TFAP2D: variants seen among roughly 807,000 people sequenced by gnomAD.
TFAP2D encodes transcription factor AP-2-delta.
TFAP2D carries 9 observed loss-of-function variants against 43.6 expected under a neutral mutation model. The ratio of observed to expected loss-of-function variants is 0.21; its 90% CI spans 0.12 to 0.36. The LOEUF is 0.36. Ranked by LOEUF, TFAP2D falls within the 10% of genes least tolerant of loss-of-function variation. The pLI is 1.00. For synonymous variants in TFAP2D, 256 were observed against 224.9 expected, an observed-to-expected ratio of 1.14 and a Z score of -1.24; for missense variants, 513 against 561.4, an observed-to-expected ratio of 0.91 and a Z score of 0.87.
rs76135399 is a variant in TFAP2D at position 50,749,276 on chromosome 6, G to A, written c.1026-1935G>A. Among the ~76,000 whole-genome samples, 1,005 of 151,600 alleles carry A rather than the reference G, an allele frequency of 6.6e-3. 9 individuals are homozygous for A. Among genetic ancestry groups the A allele is most frequent in the African/African-American group, 0.022 (902 of 41,426 alleles). On this transcript the variant is annotated intron_variant, in intron 6 of 7. Coordinates refer to ENST00000008391, the MANE Select transcript of TFAP2D (RefSeq NM_172238.4). The stretch of plus-strand genomic sequence containing the variant: ...CTCTTTAGCTTTCTCTAATTTCTTC[G>A]TCAATTTTATTATAACTTGCTGTAT...
intron 5 of TFAP2D, among the ~76,000 whole-genome samples, chr6:50,741,722 A>AATTAAAAAAAAAT: frequency 6.6e-6 from 1 of 152,028 alleles, no homozygotes; most frequent in South Asian, 2.1e-4. Flanking sequence ...TGCATGGCCA[A>AATTAAAAAAAAAT]GTGCTGCAAT....
At chr6:50,766,637 T>C (rs778779253) in intron 7 of TFAP2D, among the ~76,000 whole-genome samples, 11 of 146,360 alleles carry the variant, frequency 7.5e-5, no homozygotes, top group African/African-American at 1.5e-4. Flanking sequence ...TTCCTTTTGA[T>C]ACCATGAGAT....
intron 7 of TFAP2D, among the ~76,000 whole-genome samples, chr6:50,753,795 T>C (rs1185420846): frequency 2.0e-5 from 3 of 151,954 alleles, no homozygotes; most frequent in Admixed American, 6.6e-5. Context: ...TAGAAAGTTA[T>C]GATTTCCCAT....
intron 7 of TFAP2D, among the ~76,000 whole-genome samples, chr6:50,761,515 A>G (rs1386990732): frequency 6.6e-6 from 1 of 152,032 alleles, no homozygotes; most frequent in Non-Finnish European, 1.5e-5. Context: ...TTTATAACAC[A>G]TATTGAATCA....
At chr6:50,743,221 G>A (rs2113881813) in intron 5 of TFAP2D, among the ~76,000 whole-genome samples, 1 of 152,180 alleles carries the variant, frequency 6.6e-6, no homozygotes, top group South Asian at 2.1e-4. Context: ...GTGGAGAGGG[G>A]CATGATCAGA....
At chr6:50,737,719 T>A (rs944039470) in intron 5 of TFAP2D, among the ~76,000 whole-genome samples, 1 of 152,178 alleles carries the variant, frequency 6.6e-6, no homozygotes, top group Non-Finnish European at 1.5e-5. Flanking sequence ...TGTTCATTCT[T>A]TTTTTTCAGT....
intron 5 of TFAP2D, among the ~76,000 whole-genome samples, chr6:50,737,841 G>A (rs1241092923): frequency 2.6e-5 from 4 of 151,822 alleles, no homozygotes; most frequent in African/African-American, 4.8e-5. Context: ...TTCAGTCTTT[G>A]GCTATTACAA....
At chr6:50,722,218 C>A (rs1251425854) in intron 3 of TFAP2D, among the ~76,000 whole-genome samples, 1 of 152,210 alleles carries the variant, frequency 6.6e-6, no homozygotes, top group African/African-American at 2.4e-5. Context: ...ATGGTGTACG[C>A]GATTTTGCCC....
chr6:50,722,756 G>A (rs1399101922), intron 3 of TFAP2D, among the ~76,000 whole-genome samples: 2 of 151,814 alleles, frequency 1.3e-5, no homozygotes, highest in African/African-American at 4.8e-5. Flanking sequence ...CCTTACATGG[G>A]TGGAAAGTGA....
At chr6:50,739,705 A>G (rs1324521879) in intron 5 of TFAP2D, among the ~76,000 whole-genome samples, 1 of 152,074 alleles carries the variant, frequency 6.6e-6, no homozygotes, top group Non-Finnish European at 1.5e-5. Context: ...GTTCTTCCCT[A>G]TATTCTAGGA....
chr6:50,756,247 C>T (rs997471914), intron 7 of TFAP2D, among the ~76,000 whole-genome samples: 5 of 151,974 alleles, frequency 3.3e-5, no homozygotes, highest in East Asian at 1.9e-4. Flanking sequence ...AGATGAATTA[C>T]GAAGGAGACA....
At chr6:50,759,172 T>C (rs144679813) in intron 7 of TFAP2D, among the ~76,000 whole-genome samples, 2 of 152,152 alleles carry the variant, frequency 1.3e-5, no homozygotes, top group African/African-American at 4.8e-5. Context: ...AAGAGTTTGG[T>C]TAATTTTTAT....
chr6:50,736,643 AT>A (rs1433330616), intron 5 of TFAP2D, among the ~76,000 whole-genome samples: 1 of 152,020 alleles, frequency 6.6e-6, no homozygotes, highest in Non-Finnish European at 1.5e-5. Flanking sequence ...GATTTCATTC[AT>A]TTCTGTGTGG....
intron 7 of TFAP2D, among the ~76,000 whole-genome samples, chr6:50,758,331 C>G (rs1169380507): frequency 6.6e-6 from 1 of 151,958 alleles, no homozygotes; most frequent in East Asian, 1.9e-4. Context: ...AAGTTATCAT[C>G]CATCTCAAGC....
chr6:50,713,924 A>T lies in TFAP2D; in HGVS notation c.-132A>T. ...ATCTGATCCGGGCAAAACCATTACA[A>T]TTTAGATATCTACCTATAGAACATT... On this transcript the variant is annotated 5_prime_UTR_variant, in exon 1 of 8. Transcript: ENST00000008391. 7.3e-7 allele frequency: 1 copy of T among 1,378,694 alleles called. No homozygotes were observed. The allele number at this position is 1,378,694 out of a possible 1,614,324, so 85.4% of individuals were successfully genotyped here. A position where few individuals can be genotyped will look rare whatever the true frequency, so the allele number is the denominator to read the frequency against.
intron 5 of TFAP2D, among the ~76,000 whole-genome samples, chr6:50,742,588 A>AGATAGAT (rs1769062890): frequency 7.1e-6 from 1 of 140,700 alleles, no homozygotes; most frequent in African/African-American, 2.5e-5. Context: ...ATAGATAGAT[A>AGATAGAT]GATAGATAGA....
chr6:50,718,766 A>T (rs1460949010), intron 2 of TFAP2D, among the ~76,000 whole-genome samples: 1 of 152,186 alleles, frequency 6.6e-6, no homozygotes, highest in Non-Finnish European at 1.5e-5. Context: ...CACTGTCTGT[A>T]TATACGCTGT....
chr6:50,741,983 C>T (rs1769052756), intron 5 of TFAP2D, among the ~76,000 whole-genome samples: 1 of 151,930 alleles, frequency 6.6e-6, no homozygotes, highest in Non-Finnish European at 1.5e-5. Flanking sequence ...TTTTATTTTC[C>T]CAAATCAGTC....
At chr6:50,746,156 G>T (rs900284562) in intron 6 of TFAP2D, among the ~76,000 whole-genome samples, 16 of 152,090 alleles carry the variant, frequency 1.1e-4, no homozygotes, top group Non-Finnish European at 2.1e-4. Context: ...TCTATATTAA[G>T]ATTTTAGAAC....
Sources: allele counts gnomAD v4.1 joint callset (sites outside exome capture counted in the v4.1 genomes callset), GRCh38; gene constraint gnomAD v4.1.1; transcripts MANE v1.5; gene names NCBI Gene and HGNC (gene_info 2026-07-23, HGNC 2026-07-21).